Variants in NECAB2 observed in about 807,000 individuals in gnomAD.
The protein encoded by NECAB2 is N-terminal EF-hand calcium binding protein 2, also known as N-terminal EF-hand calcium-binding protein 2.
Under a neutral mutation model 51.9 loss-of-function variants are expected in NECAB2, and 68 were observed. The observed-to-expected ratio is 1.31, with a 90% CI of 1.08 to 1.60. NECAB2 has a LOEUF of 1.60. NECAB2 is among the 40% of genes most tolerant of loss of function. NECAB2 has a pLI of 0.00. For missense variants in NECAB2, 854 were observed against 490.3 expected, an observed-to-expected ratio of 1.74 and a Z score of -7.00; for synonymous variants, 329 against 203.5, an observed-to-expected ratio of 1.62 and a Z score of -5.25.
At chr16:83,998,414 A>G in intron 10 of NECAB2, 97 bp downstream of exon 10, 1 of 1,153,868 alleles carries the variant, frequency 8.7e-7, no homozygotes, top group Non-Finnish European at 1.2e-6. Context: ...TAAGTAGTAC[A>G]AGTTGCACCC....
rs768804348 is a variant in NECAB2, at chr16:84,000,772, G to C, written c.1011G>C (p.Glu337Asp). The change falls in exon 11 of 13, where the codon GAG (glutamate) becomes GAC (aspartate). Residue 337 changes from glutamate to aspartate, a missense_variant. Glu to Asp is a conservative substitution (Grantham distance 45). Coordinates refer to ENST00000305202, the MANE Select transcript of NECAB2 (RefSeq NM_019065.3). ...ATGGCTTCACCTTTGTCATCTATGA[G>C]TTCTGGGAGACAGAGGAGGCGTGGA... ...LSDGFTFVIY[E>D]FWETEEAWKR... 6.2e-7 allele frequency: 1 copy of C among 1,613,876 alleles called. No homozygotes were observed. The highest frequency in any genetic ancestry group is 8.5e-7 in the Non-Finnish European group (1 of 1,180,004).
intron 3 of NECAB2, among the ~76,000 whole-genome samples, chr16:83,979,504 G>A (rs2084457607): frequency 6.6e-6 from 1 of 152,150 alleles, no homozygotes; most frequent in African/African-American, 2.4e-5. Context: ...TCTGGGAAAG[G>A]CCACTTTAAA....
At chr16:83,994,275 CTGTGTG>C in intron 6 of NECAB2, 21 bp from the exon 7 acceptor site, 1 of 1,608,486 alleles carries the variant, frequency 6.2e-7, no homozygotes, top group Non-Finnish European at 8.5e-7. Flanking sequence ...CCGCCATGGT[CTGTGTG>C]TGTTCCCATC....
intron 5 of NECAB2, among the ~76,000 whole-genome samples, chr16:83,984,269 A>C (rs906500633): frequency 2.0e-5 from 3 of 151,530 alleles, no homozygotes; most frequent in Non-Finnish European, 2.9e-5. Flanking sequence ...TGCTGGGATT[A>C]CAGGCGTGAG....
chr16:83,988,826 C>A (rs530453728), intron 5 of NECAB2, among the ~76,000 whole-genome samples: 2 of 124,640 alleles, frequency 1.6e-5, no homozygotes, highest in African/African-American at 1.2e-4. Context: ...CTGAGGCAAG[C>A]TCAGTCCCCC....
At chr16:83,998,360 C>T in intron 10 of NECAB2, 43 bp downstream of exon 10, 1 of 1,581,550 alleles carries the variant, frequency 6.3e-7, no homozygotes, top group Non-Finnish European at 8.7e-7. Flanking sequence ...TGGCAGGGAG[C>T]TCTGCCTGGC....
chr16:83,980,638 G>A (rs934837381), intron 3 of NECAB2, among the ~76,000 whole-genome samples: 2 of 152,156 alleles, frequency 1.3e-5, no homozygotes, highest in African/African-American at 4.8e-5. Context: ...GGTGGGTGGT[G>A]TGGGGGATCA....
intron 8 of NECAB2, among the ~76,000 whole-genome samples, chr16:83,995,324 C>T (rs1168505655): frequency 1.3e-5 from 2 of 152,138 alleles, no homozygotes; most frequent in Non-Finnish European, 2.9e-5. Flanking sequence ...TGTGCCACTT[C>T]ATAGCTGTGT....
At chr16:83,972,618 C>G (rs1173920810) in intron 2 of NECAB2, among the ~76,000 whole-genome samples, 1 of 152,252 alleles carries the variant, frequency 6.6e-6, no homozygotes, top group Non-Finnish European at 1.5e-5. Flanking sequence ...GTGCTCTTGC[C>G]TCTGTTGACA....
intron 1 of NECAB2, 99 bp from the exon 2 acceptor site, chr16:83,972,052 C>T (rs2084354726): frequency 6.6e-7 from 1 of 1,520,606 alleles, no homozygotes; most frequent in Admixed American, 1.7e-5. Context: ...CCCTAAGCTG[C>T]TCCTGGGAGA....
At chr16:83,967,465 G>A (rs2084294692), upstream of NECAB2, among the ~76,000 whole-genome samples, 1 of 107,094 alleles carries the variant, frequency 9.3e-6, no homozygotes, top group African/African-American at 3.6e-5. Context: ...TGGATGGATG[G>A]ATGGATGGGA....
In NECAB2 at chr16:83,990,686, G is replaced by T. The variant is rs1017302673; in HGVS notation, c.596+56G>T. On this transcript the variant is annotated intron_variant, in intron 6 of 12. Coordinates refer to ENST00000305202, the MANE Select transcript of NECAB2 (RefSeq NM_019065.3). ...GGGGGTATGCCGTGCACGCGCACGT[G>T]CCCACCTGCTGCTTGGTGGGGATGT... The T allele has an allele frequency of 2.5e-6, 4 of 1,592,104 alleles. No homozygotes were observed. The East Asian group carries it at 6.8e-5, about 27-fold the overall frequency.
chr16:83,970,802 G>C (rs531238495), intron 1 of NECAB2, among the ~76,000 whole-genome samples: 1 of 152,190 alleles, frequency 6.6e-6, no homozygotes, highest in African/African-American at 2.4e-5. Context: ...AGGCTTTAAA[G>C]TGCTGGTGGG....
chr16:83,982,697 C>T lies in NECAB2; in HGVS notation c.459+1570C>T, dbSNP rs1001401453. On this transcript the variant is annotated intron_variant, in intron 5 of 12. Coordinates refer to ENST00000305202, the MANE Select transcript of NECAB2 (RefSeq NM_019065.3). The stretch of plus-strand genomic sequence containing the variant: ...GACTTTTCAGGAACATAAGAGAGTT[C>T]TCCATCAGTGTCTACTGATACAAGT... Among the ~76,000 whole-genome samples the T allele has an allele frequency of 5.0e-4, 76 of 152,164 alleles. 1 individual carries two copies. Among genetic ancestry groups the T allele is most frequent in the Non-Finnish European group, 1.0e-4 (7 of 68,036 alleles).
At position 83,978,471 on chromosome 16, in the gene NECAB2, TC is replaced by T. The variant is rs1390670012; in HGVS notation, c.256del (p.Gln86SerfsTer55). 1.9e-6 allele frequency: 3 copies of T among 1,613,920 alleles called. No homozygotes were observed. The highest frequency in any genetic ancestry group is 1.3e-5 in the African/African-American group (1 of 74,886). ...GATGGGAAGCTGTCCTTGGAGGAAT[TC>T]CAGCTCTTCTTTGCAGATGGCGTCC... ...NDDGKLSLEE[F>X]QLFFADGVLN... On this transcript the variant is annotated frameshift_variant, in exon 3 of 13. Coordinates refer to ENST00000305202, the MANE Select transcript of NECAB2 (RefSeq NM_019065.3). LOFTEE classifies it high-confidence loss of function.
chr16:83,970,599 G>A (rs915250740), intron 1 of NECAB2, among the ~76,000 whole-genome samples: 3 of 152,180 alleles, frequency 2.0e-5, no homozygotes, highest in Admixed American at 6.5e-5. Context: ...ACCCCAAGGC[G>A]AGGACAGAGG....
chr16:83,989,109 C>T (rs890516389), intron 5 of NECAB2, among the ~76,000 whole-genome samples: 20 of 152,170 alleles, frequency 1.3e-4, no homozygotes, highest in Admixed American at 1.3e-3. Context: ...CTTCTAGCAG[C>T]CTTTTGCTTT....
intron 10 of NECAB2, 61 bp from the exon 11 acceptor site, chr16:84,000,663 C>T (rs1276065165): frequency 2.1e-6 from 3 of 1,456,690 alleles, no homozygotes; most frequent in Non-Finnish European, 2.9e-6. Context: ...CCCAGGGGAA[C>T]AGCACTGAGG....
rs1372490062 is a variant in NECAB2 at position 84,002,727 on chromosome 16, C to CAGGT, written c.*384_*387dup. The CAGGT allele has an allele frequency of 4.3e-6, 1 of 234,026 alleles. No individual in the cohort carries two copies. Among genetic ancestry groups the CAGGT allele is most frequent in the East Asian group, 9.2e-5 (1 of 10,828 alleles). 14.5% of individuals were successfully genotyped at this position (234,026 alleles called of 1,614,324 possible). A position where few individuals can be genotyped will look rare whatever the true frequency, so the allele number is the denominator to read the frequency against. The stretch of plus-strand genomic sequence containing the variant: ...ATGCCCCTGTAGTGCCCAACCTAGC[C>CAGGT]AGGTAGCCACCACTGTGCCCAGGCG... On this transcript the variant is annotated 3_prime_UTR_variant, in exon 13 of 13. Transcript: ENST00000305202.
Sources: allele counts gnomAD v4.1 joint callset (sites outside exome capture counted in the v4.1 genomes callset), GRCh38; gene constraint gnomAD v4.1.1; transcripts MANE v1.5; gene names NCBI Gene and HGNC (gene_info 2026-07-23, HGNC 2026-07-21).